Variants in COL4A5 observed in about 807,000 individuals in gnomAD.
The protein encoded by COL4A5 is collagen alpha-5(IV) chain.
In COL4A5, 26 loss-of-function variants were observed where a neutral mutation model predicts 130.2. The observed-to-expected ratio is 0.20, with a 90% CI of 0.15 to 0.28. The LOEUF (loss-of-function observed/expected upper bound fraction) is 0.28, where lower values mean the gene tolerates loss of function less well. Among genes scored for constraint, COL4A5 ranks in the 10% least tolerant of loss-of-function variants. COL4A5 has a pLI of 1.00. For missense variants in COL4A5, 1,131 were observed against 1,344.3 expected (o/e 0.84, Z 2.48); for synonymous variants, 496 against 439.6 (o/e 1.13, Z -1.60).
chrX:108,576,104 AG>A, intron 10 of COL4A5, 132 bp downstream of exon 10: 4 of 481,925 alleles, frequency 8.3e-6, no homozygotes, highest in African/African-American at 2.4e-5. Context: ...TCTTATGTAA[AG>A]GTGACTTTAC....
rs1485088049 is a variant in COL4A5, at chrX:108,654,080, G to A, written c.3247-1251G>A. ...AAGTGAGGAAGGAAGTATTCAGTAG[G>A]TGATGTTGAACACTAGCACCTTATT... On this transcript the variant is annotated intron_variant, in intron 36 of 52. Transcript: ENST00000328300. Among the ~76,000 whole-genome samples, 4 of 112,476 alleles carry A rather than the reference G, an allele frequency of 3.6e-5. No individual in the cohort carries two copies. The East Asian group carries it at 1.1e-3, about 32-fold the overall frequency.
chrX:108,670,171 T>C (rs1313728249), intron 41 of COL4A5, 57 bp from the exon 42 acceptor site: 2 of 1,163,283 alleles, frequency 1.7e-6, no homozygotes, highest in East Asian at 6.0e-5. Context: ...AGTTTTGATA[T>C]TTTTCCTTTT....
chrX:108,670,660 A>C (rs935462685), intron 42 of COL4A5: 2 of 329,312 alleles, frequency 6.1e-6, no homozygotes, highest in Admixed American at 3.2e-5. Context: ...TGTAATTCTT[A>C]ACTTGCCATA....
intron 1 of COL4A5, among the ~76,000 whole-genome samples, chrX:108,464,992 A>T (rs970198145): frequency 1.8e-5 from 2 of 112,163 alleles, no homozygotes; most frequent in Non-Finnish European, 1.9e-5. Flanking sequence ...GCACACCCAC[A>T]ACATTTTCAA....
chrX:108,573,715 C>A, intron 9 of COL4A5, 61 bp downstream of exon 9: 1 of 774,040 alleles, frequency 1.3e-6, no homozygotes, highest in African/African-American at 2.0e-5. Flanking sequence ...TTACAACAAT[C>A]CCTCAACCTT....
chrX:108,566,787 G>C (rs752560227), intron 4 of COL4A5, among the ~76,000 whole-genome samples: 5 of 110,817 alleles, frequency 4.5e-5, no homozygotes. Context: ...CTGACCTCGT[G>C]ATCCACCCGC....
rs192780741 is a variant in COL4A5 at position 108,490,080 on chromosome X, G to A, written c.82-49666G>A. On this transcript the variant is annotated intron_variant, in intron 1 of 52. Coordinates refer to ENST00000328300, the MANE Select transcript of COL4A5 (RefSeq NM_033380.3). ...AACAGTTGCCTACTATCATAACCAG[G>A]ATACTAATAGTAATATAATCTGCCA... Among the ~76,000 whole-genome samples, 6 of 111,397 alleles carry A rather than the reference G, an allele frequency of 5.4e-5. No individual in the cohort carries two copies. The East Asian group carries it at 1.4e-3, about 26-fold the overall frequency.
Position 108,548,090 on chromosome X carries a change from A to T in COL4A5, c.141+8285A>T, listed in dbSNP as rs746854323. Among the ~76,000 whole-genome samples, 21 of 111,233 alleles carry T rather than the reference A, an allele frequency of 1.9e-4. No individual in the cohort carries two copies. In the South Asian group the frequency reaches 8.0e-3, roughly 42 times the overall value. ...GCGATGCCTCACCCTGCTTTGGCTC[A>T]CGCTCGGTGCGCTGCACCCATTGTC... On this transcript the variant is annotated intron_variant, in intron 2 of 52. Coordinates refer to ENST00000328300, the MANE Select transcript of COL4A5 (RefSeq NM_033380.3).
intron 1 of COL4A5, among the ~76,000 whole-genome samples, chrX:108,441,406 C>T (rs1365986575): frequency 8.9e-6 from 1 of 112,118 alleles, no homozygotes; most frequent in Admixed American, 9.4e-5. Flanking sequence ...TGTCTAGCTT[C>T]CCTATAGCAC....
At chrX:108,447,759 C>A (rs1023417604) in intron 1 of COL4A5, among the ~76,000 whole-genome samples, 8 of 111,768 alleles carry the variant, frequency 7.2e-5, no homozygotes, top group Admixed American at 1.9e-4. Flanking sequence ...TTTTCTTTTA[C>A]AAATGTAATC....
intron 1 of COL4A5, among the ~76,000 whole-genome samples, chrX:108,535,137 A>G (rs2065438481): frequency 1.8e-5 from 2 of 111,262 alleles, no homozygotes; most frequent in South Asian, 7.3e-4. Context: ...TTCAATTACT[A>G]TAGCTTTTAC....
chrX:108,519,775 T>A (rs1008576695), intron 1 of COL4A5, among the ~76,000 whole-genome samples: 6 of 111,122 alleles, frequency 5.4e-5, no homozygotes, highest in Admixed American at 4.8e-4. Flanking sequence ...TGATATCCAC[T>A]TTCCTCACTT....
intron 36 of COL4A5, among the ~76,000 whole-genome samples, chrX:108,629,376 A>G (rs1248602516): frequency 1.8e-5 from 2 of 111,851 alleles, no homozygotes; most frequent in African/African-American, 6.5e-5. Context: ...GATGGAAAGC[A>G]GGGAAACCAG....
chrX:108,634,466 G>T (rs1446387254), intron 36 of COL4A5, among the ~76,000 whole-genome samples: 1 of 111,185 alleles, frequency 9.0e-6, no homozygotes, highest in East Asian at 2.8e-4. Flanking sequence ...GGAACTCTTG[G>T]AGATATTTTA....
chrX:108,586,519 T>G, intron 18 of COL4A5, 96 bp from the exon 19 acceptor site: 5 of 833,995 alleles, frequency 6.0e-6, no homozygotes, highest in South Asian at 2.2e-5. Flanking sequence ...GTGAAAATGA[T>G]GACATTGTAA....
intron 1 of COL4A5, among the ~76,000 whole-genome samples, chrX:108,517,947 G>A (rs1219897087): frequency 2.7e-5 from 3 of 109,545 alleles, no homozygotes; most frequent in African/African-American, 9.9e-5. Context: ...GTCCTTATTG[G>A]GTTTTAAAGT....
At chrX:108,575,993 T>A in intron 10 of COL4A5, 21 bp downstream of exon 10, 1 of 1,069,558 alleles carries the variant, frequency 9.3e-7, no homozygotes, top group Non-Finnish European at 1.3e-6. Context: ...TTCTTTAATT[T>A]AATTTCCCCC....
intron 1 of COL4A5, among the ~76,000 whole-genome samples, chrX:108,469,170 T>TC (rs1491579980): frequency 0.013 from 317 of 23,949 alleles, 2 homozygotes; most frequent in African/African-American, 0.025. Flanking sequence ...TCTCTCTCTC[T>TC]TTTTTTTTTT....
intron 30 of COL4A5, among the ~76,000 whole-genome samples, chrX:108,617,569 G>A (rs1298542129): frequency 1.8e-5 from 2 of 111,300 alleles, no homozygotes; most frequent in Non-Finnish European, 3.8e-5. Flanking sequence ...TCCATAGCAG[G>A]GAAATAAAAG....
Sources: gnomAD v4.1 joint callset for allele counts (sites outside exome capture counted in the v4.1 genomes callset) on GRCh38, gnomAD v4.1.1 for gene constraint, MANE v1.5 for transcripts, NCBI Gene and HGNC (gene_info 2026-07-23, HGNC 2026-07-21) for gene names.